ARIH1: variants seen among roughly 807,000 people sequenced by gnomAD.
ARIH1 encodes E3 ubiquitin-protein ligase ARIH1.
A neutral mutation model predicts 85.0 loss-of-function variants in ARIH1; 8 were observed. The observed-to-expected ratio is 0.09, with a 90% CI of 0.06 to 0.17. The LOEUF is 0.17. Among genes scored for constraint, ARIH1 ranks in the 10% least tolerant of loss-of-function variants. The pLI, the probability that ARIH1 is intolerant of heterozygous loss-of-function variation, is 1.00. For synonymous variants in ARIH1, 238 were observed against 253.6 expected (o/e 0.94, Z 0.59); for missense variants, 311 against 718.1 (o/e 0.43, Z 6.48).
intron 2 of ARIH1, among the ~76,000 whole-genome samples, chr15:72,541,315 G>T (rs541142569): frequency 1.3e-5 from 2 of 152,214 alleles, no homozygotes; most frequent in African/African-American, 4.8e-5. Flanking sequence ...CCAACAAAAA[G>T]AACTTGAAAT....
At chr15:72,576,992 T>C (rs1567360831) in intron 11 of ARIH1, among the ~76,000 whole-genome samples, 6 of 151,962 alleles carry the variant, frequency 3.9e-5, no homozygotes, top group Non-Finnish European at 7.4e-5. Context: ...TTTTTTTTTT[T>C]CTTTTTTTGA....
rs779120965 is a variant in ARIH1 at position 72,567,191 on chromosome 15, T to G, written c.1026+14T>G. 1.9e-6 allele frequency: 3 copies of G among 1,598,878 alleles called. No individual in the cohort carries two copies. Among genetic ancestry groups the G allele is most frequent in the Admixed American group, 1.7e-5 (1 of 58,760 alleles). On this transcript the variant is annotated intron_variant, in intron 9 of 13. Coordinates refer to ENST00000379887, the MANE Select transcript of ARIH1 (RefSeq NM_005744.5). ...GCCAACACAAAGGTTGGTGTTTTCCTTCAGTAACTCTTGGTAATAAAAATG... is the reference window on the plus strand; with the variant it reads ...GCCAACACAAAGGTTGGTGTTTTCCGTCAGTAACTCTTGGTAATAAAAATG...
At position 72,474,811 on chromosome 15, in the gene ARIH1, C is replaced by T. The variant is rs773561251; in HGVS notation, c.172C>T (p.Arg58Trp). 2 of 1,484,588 alleles carry T rather than the reference C, an allele frequency of 1.3e-6. No homozygotes were observed. Among genetic ancestry groups the T allele is most frequent in the Admixed American group, 4.3e-5 (2 of 46,706 alleles). The allele number at this position is 1,484,588 out of a possible 1,614,324, so 92.0% of individuals were successfully genotyped here. The change falls in exon 1 of 14, where the codon CGG becomes TGG. Residue 58 changes from arginine to tryptophan, a missense_variant. This residue lies in a region of ARIH1 where 157 missense variants were observed against 185.1 expected (regional missense o/e 0.85). Coordinates refer to ENST00000379887, the MANE Select transcript of ARIH1 (RefSeq NM_005744.5). Reference sequence around the variant, plus strand: ...GCCCGGGCTGGGCGTCGGCGGGGAGCGGGACGGACTGCTGTGCGGGGAGAC... The same window carrying T: ...GCCCGGGCTGGGCGTCGGCGGGGAGTGGGACGGACTGCTGTGCGGGGAGAC... ...VEPGLGVGGE[R>W]DGLLCGETGG... is the part of the protein sequence containing the mutation.
chr15:72,480,661 T>C (rs2063812936), intron 1 of ARIH1, among the ~76,000 whole-genome samples: 1 of 152,064 alleles, frequency 6.6e-6, no homozygotes, highest in Non-Finnish European at 1.5e-5. Flanking sequence ...GCCTCCCAGG[T>C]TCAAGCGATT....
chr15:72,581,790 G>A, intron 12 of ARIH1: 1 of 236,382 alleles, frequency 4.2e-6, no homozygotes, highest in Non-Finnish European at 8.2e-6. Context: ...CTCTCAGAAC[G>A]AGAAGATTCC....
chr15:72,484,778 TACATATATATACAC>T (rs914164947), intron 1 of ARIH1, among the ~76,000 whole-genome samples: 3 of 76,542 alleles, frequency 3.9e-5, no homozygotes, highest in African/African-American at 8.0e-5. Context: ...TGTATATATA[TACATATATATACAC>T]ACACACACAC....
intron 2 of ARIH1, among the ~76,000 whole-genome samples, chr15:72,523,939 CTTTTTTTTT>C (rs397853910): frequency 3.2e-5 from 2 of 61,672 alleles, no homozygotes; most frequent in African/African-American, 1.1e-4. Flanking sequence ...ACTTTTACAT[CTTTTTTTTT>C]TTTTTTTTTT....
intron 11 of ARIH1, among the ~76,000 whole-genome samples, chr15:72,574,760 A>AAAT (rs2064262472): frequency 6.6e-6 from 1 of 152,124 alleles, no homozygotes; most frequent in Non-Finnish European, 1.5e-5. Context: ...ATGAGTAGGT[A>AAAT]TAACTGTTCC....
intron 1 of ARIH1, among the ~76,000 whole-genome samples, chr15:72,499,428 C>T (rs550688879): frequency 3.3e-5 from 5 of 152,174 alleles, no homozygotes; most frequent in African/African-American, 7.2e-5. Flanking sequence ...GACATTATCT[C>T]TTTCCTTTTT....
At chr15:72,521,101 T>C (rs1435773217) in intron 2 of ARIH1, among the ~76,000 whole-genome samples, 2 of 151,138 alleles carry the variant, frequency 1.3e-5, no homozygotes, top group East Asian at 2.0e-4. Flanking sequence ...CACCTTGAAC[T>C]CCCAAAATGC....
chr15:72,567,233 T>C lies in ARIH1; in HGVS notation c.1026+56T>C. 4 of 1,436,010 alleles carry C rather than the reference T, an allele frequency of 2.8e-6. No homozygotes were observed. The East Asian group carries it at 7.1e-5, about 25-fold the overall frequency. The allele number at this position is 1,436,010 out of a possible 1,614,324, so 89.0% of individuals were successfully genotyped here. ...ATAAAAATGATAAGGATTGGTACTT[T>C]GGCATTAGCAAAAGCAATGAGGTGA... On this transcript the variant is annotated intron_variant, in intron 9 of 13. Coordinates refer to ENST00000379887, the MANE Select transcript of ARIH1 (RefSeq NM_005744.5).
chr15:72,528,877 G>A (rs371810745), intron 2 of ARIH1, among the ~76,000 whole-genome samples: 32 of 152,010 alleles, frequency 2.1e-4, no homozygotes, highest in African/African-American at 7.0e-4. Flanking sequence ...AACAATTCAC[G>A]TATTATTGAG....
chr15:72,587,062 C>A lies in ARIH1; in HGVS notation c.*3770C>A. On this transcript the variant is annotated 3_prime_UTR_variant, in exon 14 of 14. Transcript: ENST00000379887. ...CAATTTAATTTACTCTTATTTGGAT[C>A]TGTAATTATGGGAGTTTATCACTTT... 2.5e-6 allele frequency: 1 copy of A among 393,760 alleles called. No homozygotes were observed. Among genetic ancestry groups the A allele is most frequent in the Non-Finnish European group, 4.9e-6 (1 of 202,532 alleles). The allele number at this position is 393,760 out of a possible 1,614,324, so 24.4% of individuals were successfully genotyped here.
chr15:72,482,025 G>A (rs529018632), intron 1 of ARIH1, among the ~76,000 whole-genome samples: 2 of 151,980 alleles, frequency 1.3e-5, no homozygotes, highest in South Asian at 2.1e-4. Context: ...TGGTAGAGAC[G>A]GGGTTTCACC....
intron 5 of ARIH1, 46 bp from the exon 6 acceptor site, chr15:72,561,437 A>C (rs764585053): frequency 1.5e-6 from 2 of 1,362,218 alleles, no homozygotes; most frequent in African/African-American, 1.5e-5. Flanking sequence ...TGTGGAAAAT[A>C]CTCTTGACTG....
Position 72,591,508 on chromosome 15 carries a change from A to T in ARIH1, c.*8216A>T, listed in dbSNP as rs1348587733. 2.0e-5 allele frequency: 3 copies of T among 152,170 alleles called. No homozygotes were observed. The highest frequency in any genetic ancestry group is 7.2e-5 in the African/African-American group (3 of 41,426). The allele number at this position is 152,170 out of a possible 1,614,324, so 9.4% of individuals were successfully genotyped here. A position where few individuals can be genotyped will look rare whatever the true frequency, so the allele number is the denominator to read the frequency against. On this transcript the variant is annotated 3_prime_UTR_variant, in exon 14 of 14. Transcript: ENST00000379887. ...AGTGGGATTCCTGAGGACTGAGCAA[A>T]CACACACAGAGCAGGATTTTGTCCT...
chr15:72,587,168 C>T lies in ARIH1; in HGVS notation c.*3876C>T, dbSNP rs2064320573. On this transcript the variant is annotated 3_prime_UTR_variant, in exon 14 of 14. Coordinates refer to ENST00000379887, the MANE Select transcript of ARIH1 (RefSeq NM_005744.5). Reference sequence around the variant, plus strand: ...TTTTTTATAAAGGAGGAAGATAAGGCTCACTGAGGTTAAATAACTCCCTCA... The same window carrying T: ...TTTTTTATAAAGGAGGAAGATAAGGTTCACTGAGGTTAAATAACTCCCTCA... 1 of 489,848 alleles carries T rather than the reference C, an allele frequency of 2.0e-6. No individual in the cohort carries two copies. The highest frequency in any genetic ancestry group is 1.5e-5 in the South Asian group (1 of 66,750). 30.3% of individuals were successfully genotyped at this position (489,848 alleles called of 1,614,324 possible). A position where few individuals can be genotyped will look rare whatever the true frequency, so the allele number is the denominator to read the frequency against.
intron 1 of ARIH1, among the ~76,000 whole-genome samples, chr15:72,507,942 A>G (rs1419365864): frequency 6.6e-6 from 1 of 152,166 alleles, no homozygotes; most frequent in Admixed American, 6.6e-5. Flanking sequence ...ACTTTTTCGG[A>G]GCCTGTGTAG....
intron 3 of ARIH1, among the ~76,000 whole-genome samples, chr15:72,553,405 A>G (rs2064161216): frequency 6.6e-6 from 1 of 152,198 alleles, no homozygotes; most frequent in African/African-American, 2.4e-5. Context: ...GTTTATTGAG[A>G]TATAATTTAT....
Sources: allele counts gnomAD v4.1 joint callset (sites outside exome capture counted in the v4.1 genomes callset), GRCh38; gene constraint gnomAD v4.1.1; regional missense constraint gnomAD v4.1.1; transcripts MANE v1.5; gene names NCBI Gene and HGNC (gene_info 2026-07-23, HGNC 2026-07-21).